Variants in DSCAM observed in about 807,000 individuals in gnomAD.
DSCAM encodes the protein DS cell adhesion molecule.
In DSCAM, 47 loss-of-function variants were observed where a neutral mutation model predicts 217.7. The ratio of observed to expected loss-of-function variants is 0.22; its 90% CI spans 0.17 to 0.28. The LOEUF is 0.28. DSCAM is among the 10% of genes least tolerant of loss of function. The pLI, the probability that DSCAM is intolerant of heterozygous loss-of-function variation, is 1.00. For synonymous variants in DSCAM, 1,056 were observed against 1,015.3 expected (o/e 1.04, Z -0.76); for missense variants, 2,080 against 2,618.3 (o/e 0.79, Z 4.49).
At chr21:40,383,930 T>C (rs971310523) in intron 3 of DSCAM, 6 of 152,346 alleles carry the variant, frequency 3.9e-5, no homozygotes, top group South Asian at 2.1e-4. Flanking sequence ...AAGTACTGTG[T>C]TCACGATGCT....
intron 3 of DSCAM, among the ~76,000 whole-genome samples, chr21:40,543,566 G>A (rs73364966): frequency 0.086 from 13,123 of 152,052 alleles, 1,169 homozygotes; most frequent in African/African-American, 0.23. Context: ...TCATGGGAAG[G>A]GGGAGCCACA....
intron 10 of DSCAM, among the ~76,000 whole-genome samples, chr21:40,287,891 T>A (rs1450620675): frequency 6.6e-6 from 1 of 152,090 alleles, no homozygotes; most frequent in Non-Finnish European, 1.5e-5. Context: ...TGGTGGATTC[T>A]CTGGAGCCTC....
intron 13 of DSCAM, 133 bp downstream of exon 13, chr21:40,187,758 T>C (rs1161708401): frequency 4.8e-6 from 4 of 826,436 alleles, no homozygotes; most frequent in Admixed American, 4.0e-5. Context: ...ACTGACATTA[T>C]ACATATTCAA....
intron 3 of DSCAM, among the ~76,000 whole-genome samples, chr21:40,581,051 C>T (rs986528913): frequency 2.0e-5 from 3 of 152,038 alleles, no homozygotes; most frequent in African/African-American, 4.8e-5. Flanking sequence ...TTTAAAAAGA[C>T]GAATAATATA....
intron 8 of DSCAM, among the ~76,000 whole-genome samples, chr21:40,313,619 A>C (rs2074164568): frequency 6.6e-6 from 1 of 152,034 alleles, no homozygotes; most frequent in Non-Finnish European, 1.5e-5. Context: ...TTAGTTATTT[A>C]TTGCTTTACT....
chr21:40,381,930 A>G (rs1449958857), intron 3 of DSCAM, among the ~76,000 whole-genome samples: 1 of 152,158 alleles, frequency 6.6e-6, no homozygotes, highest in African/African-American at 2.4e-5. Context: ...ACATAAAGTT[A>G]TGTGTGTGTT....
chr21:40,214,735 C>CAAAAAAAAAAAAAAAAAAAAA (rs1209648217), intron 11 of DSCAM, among the ~76,000 whole-genome samples: 8 of 67,838 alleles, frequency 1.2e-4, no homozygotes, highest in Admixed American at 3.0e-4. Flanking sequence ...GCAACAACAG[C>CAAAAAAAAAAAAAAAAAAAAA]AAAAAAAAAA....
At chr21:40,215,225 C>CAAAAAAAAAAAAA (rs1162761613) in intron 11 of DSCAM, among the ~76,000 whole-genome samples, 1 of 5,480 alleles carries the variant, frequency 1.8e-4, no homozygotes, top group Non-Finnish European at 4.2e-4. Flanking sequence ...GACTCCGTCT[C>CAAAAAAAAAAAAA]AAAAAAAAAA....
intron 1 of DSCAM, among the ~76,000 whole-genome samples, chr21:40,711,031 A>G (rs1328421622): frequency 8.5e-6 from 1 of 117,868 alleles, no homozygotes; most frequent in African/African-American, 3.1e-5. Flanking sequence ...CCAAGGACAC[A>G]GGATACAGGC....
intron 11 of DSCAM, among the ~76,000 whole-genome samples, chr21:40,269,704 T>A (rs2073590174): frequency 6.6e-6 from 1 of 152,170 alleles, no homozygotes; most frequent in Admixed American, 6.5e-5. Context: ...TCTTGGCCTG[T>A]GGCAGCATAA....
rs1218994785 is a variant in DSCAM, at chr21:40,423,727, T to C, written c.509-54482A>G. On this transcript the variant is annotated intron_variant, in intron 3 of 32. Transcript: ENST00000400454. ...GAGGAGGCAAGAATTGGTGTTGCTA[T>C]AGAGCCATATGGATTCGCTGCCGGT... Among the ~76,000 whole-genome samples, 4 of 152,318 alleles carry C rather than the reference T, an allele frequency of 2.6e-5. No individual in the cohort carries two copies. The South Asian group carries it at 8.3e-4, about 32-fold the overall frequency.
intron 3 of DSCAM, among the ~76,000 whole-genome samples, chr21:40,615,749 C>T (rs1316701158): frequency 1.3e-5 from 2 of 152,078 alleles, no homozygotes; most frequent in Non-Finnish European, 2.9e-5. Flanking sequence ...TAAAGTCTTT[C>T]CTGGGCAGAG....
At chr21:40,188,954 C>T in intron 12 of DSCAM, 88 bp downstream of exon 12, 1 of 1,313,552 alleles carries the variant, frequency 7.6e-7, no homozygotes, top group African/African-American at 1.5e-5. Context: ...AGATTATCTG[C>T]TACTTATCTG....
intron 1 of DSCAM, among the ~76,000 whole-genome samples, chr21:40,739,954 A>ATTTTTTTTTT (rs56815777): frequency 1.7e-5 from 1 of 58,930 alleles, no homozygotes; most frequent in African/African-American, 6.7e-5. Context: ...TGCAGGTGTA[A>ATTTTTTTTTT]TTTTTTTTTT....
At chr21:40,751,219 A>C (rs1458626669) in intron 1 of DSCAM, among the ~76,000 whole-genome samples, 1 of 152,168 alleles carries the variant, frequency 6.6e-6, no homozygotes, top group East Asian at 1.9e-4. Flanking sequence ...CTTCTCAGCG[A>C]GACCGACTCT....
rs7276674 is a variant in DSCAM, at chr21:40,409,446, C to T, written c.509-40201G>A. Among the ~76,000 whole-genome samples the T allele has an allele frequency of 7.2e-5, 11 of 152,296 alleles. 1 individual carries two copies. Among genetic ancestry groups the T allele is most frequent in the African/African-American group, 2.4e-4 (10 of 41,554 alleles). Reference sequence around the variant, plus strand: ...CCCAACCAGCCTGATGGTCTCTTCTCTGAGTTGAGAGCACAGTTTCAACGC... The same window carrying T: ...CCCAACCAGCCTGATGGTCTCTTCTTTGAGTTGAGAGCACAGTTTCAACGC... On this transcript the variant is annotated intron_variant, in intron 3 of 32. Coordinates refer to ENST00000400454, the MANE Select transcript of DSCAM (RefSeq NM_001389.5).
chr21:40,065,480 G>A (rs2089193670), intron 27 of DSCAM, among the ~76,000 whole-genome samples: 2 of 152,234 alleles, frequency 1.3e-5, no homozygotes, highest in East Asian at 1.9e-4. Context: ...AATCTTAAGA[G>A]CAATAAAGAC....
At position 40,722,503 on chromosome 21, in the gene DSCAM, C is replaced by T. The variant is rs144260521; in HGVS notation, c.44-13732G>A. Among the ~76,000 whole-genome samples the T allele has an allele frequency of 8.4e-3, 1,271 of 152,134 alleles. 17 individuals are homozygous for T. The highest frequency in any genetic ancestry group is 0.029 in the African/African-American group (1,208 of 41,528). On this transcript the variant is annotated intron_variant, in intron 1 of 32. Transcript: ENST00000400454. ...ACATTGTAAACTCTAAAAGCAACCA[C>T]TTACAAAGCAAAATAAAAACAAAAC... is the stretch of plus-strand genomic sequence containing the variant.
intron 11 of DSCAM, among the ~76,000 whole-genome samples, chr21:40,211,258 C>A (rs760451556): frequency 6.6e-6 from 1 of 152,194 alleles, no homozygotes; most frequent in African/African-American, 2.4e-5. Context: ...ATTTTTCAAC[C>A]ATTCACCTGT....
Sources: gnomAD v4.1 joint callset for allele counts (sites outside exome capture counted in the v4.1 genomes callset) on GRCh38, gnomAD v4.1.1 for gene constraint, MANE v1.5 for transcripts, NCBI Gene and HGNC (gene_info 2026-07-23, HGNC 2026-07-21) for gene names.